Variants in CPPED1 observed in about 807,000 individuals in gnomAD.
CPPED1 encodes the protein calcineurin like phosphoesterase domain containing 1.
In CPPED1, 28 loss-of-function variants were observed where a neutral mutation model predicts 28.0. The ratio of observed to expected loss-of-function variants is 1.00; its 90% CI spans 0.74 to 1.37. The LOEUF is 1.37. Among genes scored for constraint, CPPED1 ranks in the 40% most tolerant of loss-of-function variants. The pLI is 0.00. For synonymous variants in CPPED1, 198 were observed against 180.2 expected (o/e 1.10, Z -0.79); for missense variants, 504 against 416.5 (o/e 1.21, Z -1.83).
chr16:12,785,797 G>A (rs910246442), intron 1 of CPPED1, among the ~76,000 whole-genome samples: 2 of 152,050 alleles, frequency 1.3e-5, no homozygotes, highest in African/African-American at 4.8e-5. Flanking sequence ...GTTACCCCCA[G>A]GGTACAGTCC....
At chr16:12,784,555 G>GAAAAAA in intron 1 of CPPED1, among the ~76,000 whole-genome samples, 1 of 146,920 alleles carries the variant, frequency 6.8e-6, no homozygotes. Context: ...ATTTTGTCAT[G>GAAAAAA]AAAAAAAAAA....
intron 3 of CPPED1, among the ~76,000 whole-genome samples, chr16:12,673,978 G>C (rs1376341146): frequency 2.0e-5 from 3 of 152,134 alleles, no homozygotes; most frequent in African/African-American, 7.2e-5. Context: ...GAGCTCAGGA[G>C]TTGGAGGTTG....
chr16:12,726,925 G>A (rs2080173141), intron 2 of CPPED1, among the ~76,000 whole-genome samples: 1 of 152,176 alleles, frequency 6.6e-6, no homozygotes, highest in African/African-American at 2.4e-5. Flanking sequence ...GGGAGAGGGT[G>A]GTGAATGGGA....
chr16:12,725,037 T>TG (rs1239451992), intron 2 of CPPED1, among the ~76,000 whole-genome samples: 1 of 151,992 alleles, frequency 6.6e-6, no homozygotes, highest in Non-Finnish European at 1.5e-5. Flanking sequence ...CCACCTGCCT[T>TG]GGCCTCCCAA....
At chr16:12,696,202 C>T (rs1284282230) in intron 3 of CPPED1, among the ~76,000 whole-genome samples, 1 of 152,096 alleles carries the variant, frequency 6.6e-6, no homozygotes, top group Non-Finnish European at 1.5e-5. Flanking sequence ...ATCTACACAG[C>T]TATATCAGCA....
chr16:12,676,243 A>G (rs567127544), intron 3 of CPPED1, among the ~76,000 whole-genome samples: 1 of 152,296 alleles, frequency 6.6e-6, no homozygotes, highest in Admixed American at 6.5e-5. Flanking sequence ...GCTTGAGACA[A>G]TAAACATCTG....
chr16:12,675,044 A>G (rs1330954105), intron 3 of CPPED1, among the ~76,000 whole-genome samples: 2 of 152,194 alleles, frequency 1.3e-5, no homozygotes, highest in Admixed American at 1.3e-4. Flanking sequence ...TGTCCCTTTC[A>G]TGCCGACAGG....
rs186670586 is a variant in CPPED1 at position 12,705,025 on chromosome 16, G to A, written c.314C>T (p.Thr105Met). Residue 105 changes from threonine (T) to methionine (M), a missense_variant, in exon 3 of 4, where the codon ACG becomes ATG. By Grantham distance (81) the Thr-to-Met change is moderately conservative. Transcript: ENST00000381774. ...MPGKPWRTEQ[T>M]EDLKRVLRAV... ...CCTAAGCACTCGCTTCAGGTCCTCC[G>A]TCTGCTCCGTCCGCCACGGCTTCCC... 11,212 of 1,611,734 alleles carry A rather than the reference G, an allele frequency of 7.0e-3. 53 individuals carry two copies. The highest frequency in any genetic ancestry group is 8.7e-3 in the Non-Finnish European group (10,209 of 1,178,182).
intron 3 of CPPED1, among the ~76,000 whole-genome samples, chr16:12,674,368 G>T (rs2079867516): frequency 6.6e-6 from 1 of 152,172 alleles, no homozygotes; most frequent in South Asian, 2.1e-4. Context: ...ATGAGATGTT[G>T]AGCTGGAAAA....
chr16:12,768,714 T>C (rs1346025248), intron 2 of CPPED1, among the ~76,000 whole-genome samples: 1 of 152,158 alleles, frequency 6.6e-6, no homozygotes, highest in Non-Finnish European at 1.5e-5. Flanking sequence ...AGCATTTCCT[T>C]CTATTATGAA....
At chr16:12,721,261 G>C (rs528744550) in intron 2 of CPPED1, among the ~76,000 whole-genome samples, 1 of 152,238 alleles carries the variant, frequency 6.6e-6, no homozygotes, top group South Asian at 2.1e-4. Flanking sequence ...CCAAGCCCAA[G>C]ACATCAAGAT....
rs775067554 is a variant in CPPED1, at chr16:12,704,696, C to T, written c.643G>A (p.Glu215Lys). Residue 215 changes from glutamate to lysine, a missense_variant, in exon 3 of 4, where the codon GAG becomes AAG. Glu to Lys is a moderately conservative substitution (Grantham distance 56). Coordinates refer to ENST00000381774, the MANE Select transcript of CPPED1 (RefSeq NM_018340.3). ...AGGTTGAAGTAGTAGTCGTCGTCCT[C>T]GTCGATGCTCTCCAGGAACAGCGGG... The part of the protein sequence containing the change: ...HIPLFLESID[E>K]DDDYYFNLSK... 16 of 1,614,072 alleles carry T rather than the reference C, an allele frequency of 9.9e-6. No individual in the cohort carries two copies. Among genetic ancestry groups the T allele is most frequent in the African/African-American group, 1.3e-5 (1 of 74,928 alleles).
At chr16:12,674,353 G>A (rs909098444) in intron 3 of CPPED1, among the ~76,000 whole-genome samples, 2 of 152,150 alleles carry the variant, frequency 1.3e-5, no homozygotes, top group Non-Finnish European at 2.9e-5. Flanking sequence ...AGTCTGAAAC[G>A]AGGAATGAGA....
rs1470951142 is a variant in CPPED1 at position 12,660,770 on chromosome 16, T to C, written c.*4116A>G. ...CTCAATATAATATTGCTACCTAATA[T>C]TGTGACTGCACAAAACCATTTTAGG... On this transcript the variant is annotated 3_prime_UTR_variant, in exon 4 of 4. Transcript: ENST00000381774. 6.6e-6 allele frequency: 1 copy of C among 152,222 alleles called. No individual in the cohort carries two copies. Among genetic ancestry groups the C allele is most frequent in the Non-Finnish European group, 1.5e-5 (1 of 68,050 alleles). The allele number at this position is 152,222 out of a possible 1,614,324, so 9.4% of individuals were successfully genotyped here.
intron 3 of CPPED1, among the ~76,000 whole-genome samples, chr16:12,665,986 G>A (rs1194047288): frequency 2.6e-5 from 4 of 151,852 alleles, no homozygotes; most frequent in Non-Finnish European, 5.9e-5. Flanking sequence ...GCCTGGTGGC[G>A]GGCATCTGTA....
chr16:12,747,059 T>TA (rs894792545), intron 2 of CPPED1, among the ~76,000 whole-genome samples: 183 of 124,732 alleles, frequency 1.5e-3, no homozygotes, highest in African/African-American at 4.9e-3. Context: ...TCCCAAAAAA[T>TA]AAAAAAAAAA....
At chr16:12,703,550 T>A (rs2080031424) in intron 3 of CPPED1, among the ~76,000 whole-genome samples, 1 of 151,878 alleles carries the variant, frequency 6.6e-6, no homozygotes, top group African/African-American at 2.4e-5. Flanking sequence ...GGCGTGGTGG[T>A]CAGCGTTTGT....
chr16:12,791,946 C>G (rs957643386), intron 1 of CPPED1, among the ~76,000 whole-genome samples: 2 of 151,844 alleles, frequency 1.3e-5, no homozygotes, highest in African/African-American at 4.9e-5. Flanking sequence ...CAAAGTTCTT[C>G]CAGCGGTATC....
intron 3 of CPPED1, among the ~76,000 whole-genome samples, chr16:12,688,179 C>T (rs2079943283): frequency 6.6e-6 from 1 of 151,798 alleles, no homozygotes; most frequent in African/African-American, 2.4e-5. Context: ...TACAGGTGCA[C>T]ACCACAACAC....
Sources: allele counts gnomAD v4.1 joint callset (sites outside exome capture counted in the v4.1 genomes callset), GRCh38; gene constraint gnomAD v4.1.1; transcripts MANE v1.5; gene names NCBI Gene and HGNC (gene_info 2026-07-23, HGNC 2026-07-21).